Variants in NFIA observed in about 807,000 individuals in gnomAD.
NFIA encodes nuclear factor 1 A-type.
In NFIA, 8 loss-of-function variants were observed where a neutral mutation model predicts 62.8. The observed-to-expected ratio is 0.13, with a 90% CI of 0.07 to 0.23. The LOEUF (loss-of-function observed/expected upper bound fraction) is 0.23. Ranked by LOEUF, NFIA falls within the 10% of genes least tolerant of loss-of-function variation. The pLI is 1.00. For synonymous variants in NFIA, 235 were observed against 238.1 expected, an observed-to-expected ratio of 0.99 and a Z score of 0.12; for missense variants, 410 against 642.1, an observed-to-expected ratio of 0.64 and a Z score of 3.91.
chr1:61,338,324 T>A (rs1570602241), intron 4 of NFIA, among the ~76,000 whole-genome samples: 1 of 152,210 alleles, frequency 6.6e-6, no homozygotes, highest in Admixed American at 6.5e-5. Context: ...ACTACAGGAT[T>A]CCTGAGTTGT....
Position 61,092,029 on chromosome 1 carries a change from A to G in NFIA, c.559+3349A>G, listed in dbSNP as rs963544663. Among the ~76,000 whole-genome samples the G allele has an allele frequency of 1.1e-4, 17 of 152,288 alleles. No individual in the cohort carries two copies. In the East Asian group the frequency reaches 3.3e-3, roughly 29 times the overall value. On this transcript the variant is annotated intron_variant, in intron 2 of 10. Transcript: ENST00000403491. The stretch of plus-strand genomic sequence containing the variant: ...ATGACAGTTTCACAATTTATATTTG[A>G]TATTATTACCTGCCATGGGGTAGAA...
Position 61,154,717 on chromosome 1 carries a change from G to T in NFIA, c.559+66037G>T, listed in dbSNP as rs115689914. Among the ~76,000 whole-genome samples, 1,447 of 152,298 alleles carry T rather than the reference G, an allele frequency of 9.5e-3. 11 individuals carry two copies. The highest frequency in any genetic ancestry group is 0.015 in the Non-Finnish European group (994 of 68,036). ...TCCACCTGCCTCACCCTCCCCAAGC[G>T]TTGAGACTACAGGCAGTGAGCCACT... is the stretch of plus-strand genomic sequence containing the variant. On this transcript the variant is annotated intron_variant, in intron 2 of 10. Coordinates refer to ENST00000403491, the MANE Select transcript of NFIA (RefSeq NM_001134673.4).
chr1:61,207,620 C>T (rs951136694), intron 2 of NFIA, among the ~76,000 whole-genome samples: 3 of 152,156 alleles, frequency 2.0e-5, no homozygotes, highest in African/African-American at 7.2e-5. Context: ...TCTTTGACCA[C>T]AGAAGCGCTG....
In NFIA at chr1:61,326,588, T is replaced by C. The variant is rs1359140613; in HGVS notation, c.626-5924T>C. Reference sequence around the variant, plus strand: ...CCTGGAGGGCCAGAGGCACAGAAGATACTTCCCCTCCTCAGAGGGCTTACA... The same window carrying C: ...CCTGGAGGGCCAGAGGCACAGAAGACACTTCCCCTCCTCAGAGGGCTTACA... On this transcript the variant is annotated intron_variant, in intron 3 of 10. Transcript: ENST00000403491. Among the ~76,000 whole-genome samples, 6 of 152,146 alleles carry C rather than the reference T, an allele frequency of 3.9e-5. No individual in the cohort carries two copies. In the East Asian group the frequency reaches 1.2e-3, roughly 29 times the overall value.
chr1:61,418,595 A>C (rs1167472872), intron 9 of NFIA, among the ~76,000 whole-genome samples: 2 of 152,220 alleles, frequency 1.3e-5, no homozygotes, highest in African/African-American at 4.8e-5. Flanking sequence ...AGTTTTGTAA[A>C]TGATTCTTAT....
intron 6 of NFIA, among the ~76,000 whole-genome samples, chr1:61,374,684 A>T (rs1193896113): frequency 6.6e-6 from 1 of 152,132 alleles, no homozygotes; most frequent in African/African-American, 2.4e-5. Context: ...GAAATCACTG[A>T]TGTCCCCAAG....
chr1:61,361,938 A>AGAGGACATATACCATGGTATATGTT (rs1483171212), intron 6 of NFIA, among the ~76,000 whole-genome samples: 3 of 152,126 alleles, frequency 2.0e-5, no homozygotes, highest in African/African-American at 7.2e-5. Flanking sequence ...GTATATGTTT[A>AGAGGACATATACCATGGTATATGTT]TAGGGAGTGA....
intron 2 of NFIA, among the ~76,000 whole-genome samples, chr1:61,118,925 C>A (rs1646839966): frequency 6.6e-6 from 1 of 151,968 alleles, no homozygotes; most frequent in Non-Finnish European, 1.5e-5. Context: ...TTGCTGTAGC[C>A]ATCCAGACCA....
rs114626334 is a variant in NFIA at position 61,100,376 on chromosome 1, G to C, written c.559+11696G>C. Among the ~76,000 whole-genome samples the C allele has an allele frequency of 6.7e-4, 102 of 152,198 alleles. 2 individuals are homozygous for C. The highest frequency in any genetic ancestry group is 2.1e-3 in the African/African-American group (87 of 41,520). ...ATTGACAAGCTCTACTGTGTGACTG[G>C]CAGTTCAGTTCAGCAGATAGGTTTC... On this transcript the variant is annotated intron_variant, in intron 2 of 10. Coordinates refer to ENST00000403491, the MANE Select transcript of NFIA (RefSeq NM_001134673.4).
chr1:61,298,629 G>T (rs911448812), intron 3 of NFIA, among the ~76,000 whole-genome samples: 13 of 152,048 alleles, frequency 8.5e-5, no homozygotes, highest in African/African-American at 3.1e-4. Context: ...TATGATTTTG[G>T]ATAAATAACT....
chr1:61,233,092 GTTCT>G (rs1014630012), intron 2 of NFIA, among the ~76,000 whole-genome samples: 4 of 152,054 alleles, frequency 2.6e-5, no homozygotes, highest in Non-Finnish European at 4.4e-5. Flanking sequence ...TTAAAAAAAT[GTTCT>G]TTCTTTTTTC....
chr1:61,091,849 GTTT>G (rs549619372), intron 2 of NFIA, among the ~76,000 whole-genome samples: 1 of 142,050 alleles, frequency 7.0e-6, no homozygotes, highest in Admixed American at 7.0e-5. Flanking sequence ...GAGAGTTGTT[GTTT>G]TTTTTTTTTT....
At chr1:61,349,057 A>G (rs375973628) in intron 4 of NFIA, among the ~76,000 whole-genome samples, 2 of 152,340 alleles carry the variant, frequency 1.3e-5, no homozygotes, top group East Asian at 3.9e-4. Flanking sequence ...TGAGTGATCT[A>G]GGCTCATATT....
At chr1:61,138,565 G>A (rs147591988) in intron 2 of NFIA, among the ~76,000 whole-genome samples, 83 of 142,590 alleles carry the variant, frequency 5.8e-4, no homozygotes, top group Non-Finnish European at 1.1e-3. Flanking sequence ...TTGTTTGTTT[G>A]TTTATTTATT....
chr1:61,081,768 C>A, upstream of NFIA: 1 of 1,152,654 alleles, frequency 8.7e-7, no homozygotes, highest in South Asian at 1.6e-5. Flanking sequence ...TTCTGAATGC[C>A]ACAGGACCGA....
chr1:61,359,557 GTTT>G (rs927606120), intron 6 of NFIA, among the ~76,000 whole-genome samples: 2 of 152,000 alleles, frequency 1.3e-5, no homozygotes, highest in Non-Finnish European at 1.5e-5. Context: ...TTTGCTTTTG[GTTT>G]TTTTGTTTGT....
chr1:61,303,675 A>G (rs1659606214), intron 3 of NFIA, among the ~76,000 whole-genome samples: 1 of 152,216 alleles, frequency 6.6e-6, no homozygotes, highest in South Asian at 2.1e-4. Flanking sequence ...CAGCATAAGA[A>G]TCACTTGGAA....
intron 2 of NFIA, among the ~76,000 whole-genome samples, chr1:61,208,209 A>G (rs1384130457): frequency 6.6e-6 from 1 of 150,976 alleles, no homozygotes; most frequent in East Asian, 1.9e-4. Context: ...TTATGATTGA[A>G]CTCTTGTTTT....
At chr1:61,267,893 T>C (rs1211987974) in intron 2 of NFIA, among the ~76,000 whole-genome samples, 1 of 152,052 alleles carries the variant, frequency 6.6e-6, no homozygotes, top group African/African-American at 2.4e-5. Flanking sequence ...GTATACAGGG[T>C]GAAAGGCACC....
Sources: allele counts gnomAD v4.1 joint callset (sites outside exome capture counted in the v4.1 genomes callset), GRCh38; gene constraint gnomAD v4.1.1; transcripts MANE v1.5; gene names NCBI Gene and HGNC (gene_info 2026-07-23, HGNC 2026-07-21).